IMMP2L: variants seen among roughly 807,000 people sequenced by gnomAD.
The protein encoded by IMMP2L is inner mitochondrial membrane peptidase subunit 2.
Under a neutral mutation model 19.3 loss-of-function variants are expected in IMMP2L, and 18 were observed. That is an observed-to-expected ratio of 0.93 (90% CI 0.64 to 1.38). The LOEUF (loss-of-function observed/expected upper bound fraction) is 1.38. Among genes scored for constraint, IMMP2L ranks in the 40% most tolerant of loss-of-function variants. The pLI is 0.00. For missense variants in IMMP2L, 233 were observed against 218.2 expected (o/e 1.07, Z -0.43); for synonymous variants, 76 against 73.0 (o/e 1.04, Z -0.21).
chr7:110,782,037 G>A (rs1799779762), intron 5 of IMMP2L, among the ~76,000 whole-genome samples: 1 of 151,858 alleles, frequency 6.6e-6, no homozygotes, highest in Non-Finnish European at 1.5e-5. Context: ...TAAGAGCTGA[G>A]ACCTGAAGAT....
At chr7:111,160,336 C>T (rs1023461499) in intron 3 of IMMP2L, among the ~76,000 whole-genome samples, 5 of 151,966 alleles carry the variant, frequency 3.3e-5, no homozygotes, top group Non-Finnish European at 5.9e-5. Flanking sequence ...CACTAACAAA[C>T]CTTTGAGCAG....
chr7:111,365,747 C>G (rs1157166186), intron 3 of IMMP2L, among the ~76,000 whole-genome samples: 1 of 151,992 alleles, frequency 6.6e-6, no homozygotes, highest in Non-Finnish European at 1.5e-5. Context: ...CCATTCCTCA[C>G]CAAAAAGAAT....
chr7:111,065,915 C>A (rs61038072), intron 3 of IMMP2L, among the ~76,000 whole-genome samples: 1 of 66,706 alleles, frequency 1.5e-5, no homozygotes, highest in African/African-American at 4.8e-5. Flanking sequence ...TGTGTGTGTG[C>A]GCGCGCGTGT....
chr7:110,779,299 T>A (rs1047742251), intron 5 of IMMP2L, among the ~76,000 whole-genome samples: 2 of 151,974 alleles, frequency 1.3e-5, no homozygotes, highest in African/African-American at 2.4e-5. Flanking sequence ...TCAAAGTTAT[T>A]TTTATATGCA....
intron 3 of IMMP2L, chr7:111,122,665 A>G: frequency 1.1e-6 from 1 of 873,702 alleles, no homozygotes; most frequent in Non-Finnish European, 1.8e-6. Context: ...GGCATTCATC[A>G]TTTGACAAAT....
At chr7:110,718,141 A>G (rs1399432163) in intron 5 of IMMP2L, among the ~76,000 whole-genome samples, 1 of 152,216 alleles carries the variant, frequency 6.6e-6, no homozygotes, top group Non-Finnish European at 1.5e-5. Context: ...TGAAGAGATG[A>G]TGATAACCCC....
intron 3 of IMMP2L, among the ~76,000 whole-genome samples, chr7:111,394,112 A>G (rs575554770): frequency 5.8e-4 from 88 of 152,300 alleles, no homozygotes; most frequent in Middle Eastern, 3.4e-3. Context: ...GAATCAAGAT[A>G]TATCTTACAG....
intron 4 of IMMP2L, among the ~76,000 whole-genome samples, chr7:110,944,792 A>G (rs1479559457): frequency 2.0e-5 from 3 of 151,924 alleles, no homozygotes; most frequent in Admixed American, 6.6e-5. Context: ...GTGTGTGTGT[A>G]TATGTATGTG....
chr7:111,432,471 A>T (rs1043116997), intron 3 of IMMP2L, among the ~76,000 whole-genome samples: 1 of 151,818 alleles, frequency 6.6e-6, no homozygotes, highest in Non-Finnish European at 1.5e-5. Flanking sequence ...AACCCATATG[A>T]TCATCTCAAC....
At chr7:111,139,417 A>G (rs554886359) in intron 3 of IMMP2L, among the ~76,000 whole-genome samples, 132 of 152,278 alleles carry the variant, frequency 8.7e-4, no homozygotes, top group Non-Finnish European at 1.6e-3. Flanking sequence ...TTGTTCAACA[A>G]GTATTTACTA....
At chr7:110,831,288 C>G (rs1803948984) in intron 5 of IMMP2L, among the ~76,000 whole-genome samples, 1 of 152,094 alleles carries the variant, frequency 6.6e-6, no homozygotes. Context: ...TGTTTTCCTG[C>G]TTTGCTTTTA....
intron 3 of IMMP2L, among the ~76,000 whole-genome samples, chr7:111,200,665 TAGAC>T (rs956647723): frequency 3.3e-5 from 5 of 152,028 alleles, no homozygotes; most frequent in Non-Finnish European, 7.4e-5. Flanking sequence ...TAATAAATAA[TAGAC>T]ATAATAAATA....
chr7:111,016,891 A>C (rs561876224), intron 3 of IMMP2L, among the ~76,000 whole-genome samples: 3,015 of 90,726 alleles, frequency 0.033, 78 homozygotes, highest in South Asian at 0.075. Context: ...TATTATATAT[A>C]ATATATATTA....
rs951604736 is a variant in IMMP2L, at chr7:111,123,415, C to T, written c.240-159850G>A. ...GAACTTTAAGCCTCTTATCAATCTT[C>T]GCAGCCTGGTTATAGCTGGTATAAA... is the stretch of plus-strand genomic sequence containing the variant. On this transcript the variant is annotated intron_variant, in intron 3 of 5. Transcript: ENST00000405709. This position sits in a 1 kb window ranked among gnomAD's most constrained non-coding sequence, Gnocchi z 6.4. The T allele has an allele frequency of 1.5e-5, 24 of 1,613,508 alleles. No individual in the cohort carries two copies. Among genetic ancestry groups the T allele is most frequent in the Admixed American group, 1.3e-4 (8 of 59,886 alleles).
intron 4 of IMMP2L, among the ~76,000 whole-genome samples, chr7:110,912,714 C>T (rs1475519795): frequency 6.6e-6 from 1 of 151,822 alleles, no homozygotes; most frequent in Non-Finnish European, 1.5e-5. Context: ...AAAGCAAACA[C>T]AAAGTTTGAC....
intron 3 of IMMP2L, among the ~76,000 whole-genome samples, chr7:111,443,708 T>C (rs185126498): frequency 6.6e-6 from 1 of 152,294 alleles, no homozygotes; most frequent in Non-Finnish European, 1.5e-5. Context: ...TATCGGAAAC[T>C]ATTATATTAA....
chr7:111,142,239 T>C (rs528893042), intron 3 of IMMP2L, among the ~76,000 whole-genome samples: 1 of 150,154 alleles, frequency 6.7e-6, no homozygotes, highest in East Asian at 2.0e-4. Context: ...GGCACAAGAA[T>C]AGCTTGAACC....
intron 3 of IMMP2L, among the ~76,000 whole-genome samples, chr7:111,402,889 G>C (rs1014252809): frequency 5.3e-5 from 8 of 150,988 alleles, no homozygotes; most frequent in Non-Finnish European, 1.0e-4. Flanking sequence ...ATATATTTAT[G>C]TCTATTTACA....
intron 3 of IMMP2L, among the ~76,000 whole-genome samples, chr7:111,179,329 T>C (rs1193313112): frequency 2.0e-5 from 3 of 152,092 alleles, no homozygotes; most frequent in African/African-American, 4.8e-5. Flanking sequence ...GCTTTGAATA[T>C]GGCCAACACA....
Sources: gnomAD v4.1 joint callset for allele counts (sites outside exome capture counted in the v4.1 genomes callset) on GRCh38, gnomAD v4.1.1 for gene constraint, Gnocchi (gnomAD v3.1) non-coding constraint, MANE v1.5 for transcripts, NCBI Gene and HGNC (gene_info 2026-07-23, HGNC 2026-07-21) for gene names.